The following STMN2 variants were observed in gnomAD, a reference collection of about 807,000 sequenced individuals.
STMN2 encodes stathmin-2.
A neutral mutation model predicts 24.1 loss-of-function variants in STMN2; 2 were observed. The ratio of observed to expected loss-of-function variants is 0.08; its 90% CI spans 0.03 to 0.26. The LOEUF is 0.26. Ranked by LOEUF, STMN2 falls within the 10% of genes least tolerant of loss-of-function variation. The probability of loss-of-function intolerance (pLI) is 1.00; values close to 1 mark genes in which losing one functional copy is unlikely to be tolerated. For synonymous variants in STMN2, 83 were observed against 77.5 expected, an observed-to-expected ratio of 1.07 and a Z score of -0.37; for missense variants, 114 against 213.6, an observed-to-expected ratio of 0.53 and a Z score of 2.91.
intron 1 of STMN2, among the ~76,000 whole-genome samples, chr8:79,635,630 T>C (rs903475569): frequency 6.6e-6 from 1 of 152,196 alleles, no homozygotes; most frequent in Admixed American, 6.5e-5. Context: ...TTGGGACCCA[T>C]AATCCTAAGT....
At chr8:79,655,099 C>A in intron 4 of STMN2, 37 bp downstream of exon 4, 1 of 1,603,028 alleles carries the variant, frequency 6.2e-7, no homozygotes, top group South Asian at 1.1e-5. Context: ...TGGATATATT[C>A]ATATGCAGCA....
At chr8:79,631,493 T>C (rs1191230570) in intron 1 of STMN2, 22 of 928,930 alleles carry the variant, frequency 2.4e-5, no homozygotes, top group Non-Finnish European at 2.8e-5. Context: ...AGCAGAAATA[T>C]CTAGAATATT....
At position 79,648,453 on chromosome 8, in the gene STMN2, C is replaced by CTTTTTTTT. The variant is rs11374351; in HGVS notation, c.289-6404_289-6397dup. On this transcript the variant is annotated intron_variant, in intron 3 of 4. Coordinates refer to ENST00000220876, the MANE Select transcript of STMN2 (RefSeq NM_007029.4). The stretch of plus-strand genomic sequence containing the variant: ...AAATGCTACCATACAATATACGTTG[C>CTTTTTTTT]TTTTTTTTTTTTTTTTTTTTTGAGA... Among the ~76,000 whole-genome samples, 19 of 97,886 alleles carry CTTTTTTTT rather than the reference C, an allele frequency of 1.9e-4. 1 individual carries two copies. Among genetic ancestry groups the CTTTTTTTT allele is most frequent in the Admixed American group, 2.8e-4 (2 of 7,256 alleles). The allele number at this position is 97,886 out of a possible 152,430, so 64.2% of individuals were successfully genotyped here. A position where few individuals can be genotyped will look rare whatever the true frequency, so the allele number is the denominator to read the frequency against.
intron 1 of STMN2, among the ~76,000 whole-genome samples, chr8:79,617,875 T>C (rs1809420918): frequency 6.6e-6 from 1 of 152,256 alleles, no homozygotes. Context: ...CAAGGCATTG[T>C]TCTAAGAACT....
intron 1 of STMN2, among the ~76,000 whole-genome samples, chr8:79,613,218 C>G (rs113907066): frequency 0.016 from 2,454 of 151,908 alleles, 69 homozygotes; most frequent in African/African-American, 0.056. Context: ...AGGGGCTTCT[C>G]TAAGGGAGAC....
At chr8:79,642,658 G>T (rs1195663405) in intron 3 of STMN2, among the ~76,000 whole-genome samples, 4 of 152,064 alleles carry the variant, frequency 2.6e-5, no homozygotes, top group Non-Finnish European at 5.9e-5. Flanking sequence ...CAGATGTGCT[G>T]TGTATAGTAT....
chr8:79,638,219 G>T (rs571731531), intron 2 of STMN2, among the ~76,000 whole-genome samples: 12 of 152,334 alleles, frequency 7.9e-5, no homozygotes, highest in African/African-American at 2.9e-4. Flanking sequence ...TCAGGGCTTA[G>T]TAGAAGAGTC....
chr8:79,636,254 A>G (rs1016177982), intron 1 of STMN2, among the ~76,000 whole-genome samples: 1 of 152,160 alleles, frequency 6.6e-6, no homozygotes, highest in African/African-American at 2.4e-5. Flanking sequence ...ATGGACAGAT[A>G]AGAAAATGCA....
rs116563477 is a variant in STMN2, at chr8:79,637,388, C to T, written c.115+491C>T. 4.4e-3 allele frequency among the ~76,000 whole-genome samples: 671 copies of T among 152,208 alleles called. 5 individuals carry two copies. The highest frequency in any genetic ancestry group is 0.015 in the African/African-American group (638 of 41,534). ...TGGCTCAATAAATAAAACTGACTTA[C>T]GACTGAGGCCCTAGATAAAGAGGGT... On this transcript the variant is annotated intron_variant, in intron 2 of 4. Transcript: ENST00000220876.
At chr8:79,643,228 C>CTATATATA (rs34434345) in intron 3 of STMN2, among the ~76,000 whole-genome samples, 50 of 142,244 alleles carry the variant, frequency 3.5e-4, no homozygotes, top group African/African-American at 1.1e-3. Context: ...ACTAACTCGA[C>CTATATATA]TATATATATA....
At chr8:79,617,572 G>T (rs1453742018) in intron 1 of STMN2, among the ~76,000 whole-genome samples, 1 of 152,136 alleles carries the variant, frequency 6.6e-6, no homozygotes. Flanking sequence ...GCAATTTCTT[G>T]TACATTGAAG....
chr8:79,632,601 G>A (rs1425550270), intron 1 of STMN2, among the ~76,000 whole-genome samples: 3 of 152,092 alleles, frequency 2.0e-5, no homozygotes, highest in South Asian at 2.1e-4. Context: ...CCAGTGTGTC[G>A]GGACACAAAC....
intron 4 of STMN2, 117 bp from the exon 5 acceptor site, chr8:79,664,698 T>C: frequency 2.4e-6 from 2 of 843,950 alleles, no homozygotes; most frequent in Non-Finnish European, 3.4e-6. Flanking sequence ...CCTTCTGAAA[T>C]GGGAAAAATT....
chr8:79,628,686 T>G (rs1275873394), intron 1 of STMN2, among the ~76,000 whole-genome samples: 1 of 152,226 alleles, frequency 6.6e-6, no homozygotes, highest in East Asian at 1.9e-4. Context: ...ATATAACTGC[T>G]GGACATTAAT....
At chr8:79,613,713 C>T (rs1311346244) in intron 1 of STMN2, 2 of 985,294 alleles carry the variant, frequency 2.0e-6, no homozygotes, top group Non-Finnish European at 2.4e-6. Flanking sequence ...TTGTTGCGTT[C>T]GCTTTGCTTC....
chr8:79,618,083 G>C (rs1267809014), intron 1 of STMN2, among the ~76,000 whole-genome samples: 1 of 152,238 alleles, frequency 6.6e-6, no homozygotes, highest in Non-Finnish European at 1.5e-5. Flanking sequence ...TTCCATGTTA[G>C]AGGTGAGCTC....
intron 1 of STMN2, among the ~76,000 whole-genome samples, chr8:79,619,550 T>A (rs544618343): frequency 6.6e-6 from 1 of 152,096 alleles, no homozygotes; most frequent in African/African-American, 2.4e-5. Flanking sequence ...GACCAGAAAA[T>A]CCCATCAAGA....
rs564040304 is a variant in STMN2 at position 79,650,184 on chromosome 8, A to G, written c.289-4687A>G. Among the ~76,000 whole-genome samples the G allele has an allele frequency of 8.5e-5, 13 of 152,288 alleles. No homozygotes were observed. In the South Asian group the frequency reaches 2.5e-3, roughly 29 times the overall value. ...CCTTTTAATATTTTAGTGACCTTCT[A>G]TGTTAGGTACAGGTTATTTAGAAGT... is the stretch of plus-strand genomic sequence containing the variant. On this transcript the variant is annotated intron_variant, in intron 3 of 4. Coordinates refer to ENST00000220876, the MANE Select transcript of STMN2 (RefSeq NM_007029.4).
intron 4 of STMN2, among the ~76,000 whole-genome samples, chr8:79,661,536 G>T (rs1406149506): frequency 2.6e-5 from 4 of 151,802 alleles, no homozygotes; most frequent in Admixed American, 1.3e-4. Flanking sequence ...ACTTACTATT[G>T]AACATGTCTG....
Sources: gnomAD v4.1 joint callset for allele counts (sites outside exome capture counted in the v4.1 genomes callset) on GRCh38, gnomAD v4.1.1 for gene constraint, MANE v1.5 for transcripts, NCBI Gene and HGNC (gene_info 2026-07-23, HGNC 2026-07-21) for gene names.